The following COL18A1 variants were observed in gnomAD, a reference collection of about 807,000 sequenced individuals.
COL18A1 encodes the protein collagen alpha-1(XVIII) chain.
Under a neutral mutation model 168.0 loss-of-function variants are expected in COL18A1, and 133 were observed. The observed-to-expected ratio is 0.79, with a 90% CI of 0.69 to 0.91. The LOEUF is 0.91. COL18A1 is among the 40% of genes least tolerant of loss of function. The pLI is 0.00. For missense variants in COL18A1, 2,126 were observed against 1,925.4 expected (o/e 1.10, Z -1.95); for synonymous variants, 949 against 809.0 (o/e 1.17, Z -2.94).
chr21:45,504,015 G>A lies in COL18A1; in HGVS notation c.2688G>A (p.Gln896=). ...CCGCCTGTCTCTCTCTTGCAGGGCA[G>A]TTTCCGTTTGACTTTCTTCAGTTGG... ...GEVGPPGPPG[Q]FPFDFLQLEA... is the part of the protein sequence containing the mutation. Residue 896 remains glutamine, a synonymous_variant, in exon 33 of 42, where the codon CAG becomes CAA. Coordinates refer to ENST00000651438, the MANE Select transcript of COL18A1 (RefSeq NM_001379500.1). 6.2e-7 allele frequency: 1 copy of A among 1,613,662 alleles called. No individual in the cohort carries two copies. The highest frequency in any genetic ancestry group is 1.1e-5 in the South Asian group (1 of 91,082).
At chr21:45,408,739 G>T (rs113033725) in intron 2 of COL18A1, among the ~76,000 whole-genome samples, 1 of 152,174 alleles carries the variant, frequency 6.6e-6, no homozygotes, top group African/African-American at 2.4e-5. Context: ...CGCTCACTGT[G>T]TTGGGGGAGG....
chr21:45,498,699 C>T lies in COL18A1; in HGVS notation c.2683+1038C>T, dbSNP rs138597857. Reference sequence around the variant, plus strand: ...TTGGATCTCTCAGCGTCACACACGACGCCCAGGAAGGAGTGAATGATGCAC... The same window carrying T: ...TTGGATCTCTCAGCGTCACACACGATGCCCAGGAAGGAGTGAATGATGCAC... On this transcript the variant is annotated intron_variant, in intron 32 of 41. Transcript: ENST00000651438. The surrounding 1 kb of genome is among the most constrained non-coding windows in gnomAD (Gnocchi z 4.5). The T allele has an allele frequency of 1.9e-3, 1,219 of 645,650 alleles. 10 individuals carry two copies. Among genetic ancestry groups the T allele is most frequent in the Middle Eastern group, 7.7e-3 (29 of 3,776 alleles). 40.0% of individuals were successfully genotyped at this position (645,650 alleles called of 1,614,324 possible).
rs1291984176 is a variant in COL18A1 at position 45,457,361 on chromosome 21, C to T, written c.107-10881C>T. Among the ~76,000 whole-genome samples, 2 of 152,204 alleles carry T rather than the reference C, an allele frequency of 1.3e-5. No homozygotes were observed. The highest frequency in any genetic ancestry group is 1.3e-4 in the Admixed American group (2 of 15,286). ...CGGGCCAAGGGTGCTGCCGCGTGGG[C>T]AGTGCAGAGACCCTACCAGCGTGGG... On this transcript the variant is annotated intron_variant, in intron 2 of 41. Transcript: ENST00000651438. This position sits in a 1 kb window ranked among gnomAD's most constrained non-coding sequence, Gnocchi z 4.6.
chr21:45,471,561 G>C lies in COL18A1; in HGVS notation c.652-2334G>C, dbSNP rs182482675. Among the ~76,000 whole-genome samples the C allele has an allele frequency of 1.3e-3, 201 of 152,308 alleles. No individual in the cohort carries two copies. Among genetic ancestry groups the C allele is most frequent in the Non-Finnish European group, 2.2e-3 (152 of 68,020 alleles). ...CCCCCGGCCGCAGCTGGGTCCAACAGAGCCCTCCGGAGCATTGGTTGTGTT... is the reference window on the plus strand; with the variant it reads ...CCCCCGGCCGCAGCTGGGTCCAACACAGCCCTCCGGAGCATTGGTTGTGTT... On this transcript the variant is annotated intron_variant, in intron 3 of 41. Transcript: ENST00000651438. The surrounding 1 kb of genome is among the most constrained non-coding windows in gnomAD (Gnocchi z 4.4).
rs984672419 is a variant in COL18A1, at chr21:45,471,166, G to A, written c.651+2380G>A. Reference sequence around the variant, plus strand: ...GGGCGTGGGTGGCGTGCAGCAGGCCGTGTGCTGCTGGGCGTGGGTGGCGCG... The same window carrying A: ...GGGCGTGGGTGGCGTGCAGCAGGCCATGTGCTGCTGGGCGTGGGTGGCGCG... On this transcript the variant is annotated intron_variant, in intron 3 of 41. Coordinates refer to ENST00000651438, the MANE Select transcript of COL18A1 (RefSeq NM_001379500.1). The surrounding 1 kb of genome is among the most constrained non-coding windows in gnomAD (Gnocchi z 4.4). Among the ~76,000 whole-genome samples the A allele has an allele frequency of 1.3e-5, 2 of 150,526 alleles. No individual in the cohort carries two copies. The highest frequency in any genetic ancestry group is 6.6e-5 in the Admixed American group (1 of 15,090).
chr21:45,493,407 G>T (rs1452444950), intron 25 of COL18A1, 94 bp from the exon 26 acceptor site: 21 of 1,333,190 alleles, frequency 1.6e-5, no homozygotes, highest in Non-Finnish European at 2.1e-5. Context: ...CAGCCTGCGA[G>T]GCCCAGTCAC....
At chr21:45,482,202 T>C (rs1353024074) in intron 14 of COL18A1, 177 bp downstream of exon 14, 1 of 626,574 alleles carries the variant, frequency 1.6e-6, no homozygotes, top group African/African-American at 1.8e-5. Context: ...GGCTGGGGCT[T>C]GGGTAGAAAT....
intron 8 of COL18A1, 51 bp downstream of exon 8, chr21:45,478,016 T>C: frequency 9.8e-7 from 1 of 1,022,724 alleles, no homozygotes; most frequent in East Asian, 2.6e-5. Flanking sequence ...GGTGGGGGCT[T>C]GGGTAGGAGG....
intron 9 of COL18A1, 86 bp from the exon 10 acceptor site, chr21:45,479,816 C>T (rs2035829670): frequency 6.3e-7 from 1 of 1,582,936 alleles, no homozygotes; most frequent in African/African-American, 1.4e-5. Context: ...CCGTCCGTCC[C>T]CTGCTTGGGG....
chr21:45,450,392 G>A (rs903564049), intron 2 of COL18A1, among the ~76,000 whole-genome samples: 7 of 152,156 alleles, frequency 4.6e-5, no homozygotes, highest in Non-Finnish European at 4.4e-5. Flanking sequence ...CACCCGCCAC[G>A]GGCTGAGGCC....
intron 29 of COL18A1, 151 bp downstream of exon 29, chr21:45,495,583 T>C (rs910767834): frequency 4.5e-6 from 3 of 664,216 alleles, no homozygotes; most frequent in Non-Finnish European, 8.1e-6. Context: ...GCCATACCCA[T>C]GCACAGTCAT....
rs2036637318 is a variant in COL18A1 at position 45,498,791 on chromosome 21, A to C, written c.2683+1130A>C. On this transcript the variant is annotated intron_variant, in intron 32 of 41. Coordinates refer to ENST00000651438, the MANE Select transcript of COL18A1 (RefSeq NM_001379500.1). This position sits in a 1 kb window ranked among gnomAD's most constrained non-coding sequence, Gnocchi z 4.5. ...ACCAGGAGGCCCAGCTCATGGGGTC[A>C]TCGGACCCACCTTGAACTCTGAAGG... is the stretch of plus-strand genomic sequence containing the variant. 6.6e-6 allele frequency among the ~76,000 whole-genome samples: 1 copy of C among 152,232 alleles called. No individual in the cohort carries two copies. The highest frequency in any genetic ancestry group is 2.4e-5 in the African/African-American group (1 of 41,454).
chr21:45,503,367 T>G (rs1352702133), intron 32 of COL18A1, among the ~76,000 whole-genome samples: 2 of 152,094 alleles, frequency 1.3e-5, no homozygotes, highest in Non-Finnish European at 2.9e-5. Context: ...CATAAATGTC[T>G]TCTTTTGAGA....
At chr21:45,418,843 T>A (rs1213411942) in intron 2 of COL18A1, among the ~76,000 whole-genome samples, 3 of 152,098 alleles carry the variant, frequency 2.0e-5, no homozygotes, top group African/African-American at 7.2e-5. Flanking sequence ...CTGCGAGGCG[T>A]GATGGCCAAT....
intron 2 of COL18A1, among the ~76,000 whole-genome samples, chr21:45,458,102 CAGGGAGGG>C (rs893942428): frequency 3.6e-5 from 1 of 27,728 alleles, no homozygotes; most frequent in African/African-American, 1.4e-4. Flanking sequence ...AATGGAGGGG[CAGGGAGGG>C]AGGGAGGGAG....
rs775608196 is a variant in COL18A1, at chr21:45,480,071, G to T, written c.1313G>T (p.Gly438Val). The T allele has an allele frequency of 6.2e-7, 1 of 1,611,534 alleles. No homozygotes were observed. The highest frequency in any genetic ancestry group is 1.1e-5 in the South Asian group (1 of 91,026). Residue 438 changes from glycine (G) to valine (V), a missense_variant and splice_region_variant, in exon 11 of 42, where the codon GGA (glycine) becomes GTA (valine). Transcript: ENST00000651438. Reference protein sequence around the residue: ...PGDVGPKGDKGDPGVGERGPP... With the variant: ...PGDVGPKGDKVDPGVGERGPP... ...GATAGGCTTGTCTTGTGTTCCCAGG[G>T]AGACCCTGGGGTTGGAGAGAGAGGG...
intron 5 of COL18A1, 146 bp from the exon 6 acceptor site, chr21:45,476,205 G>A: frequency 4.1e-6 from 5 of 1,222,262 alleles, no homozygotes; most frequent in East Asian, 5.2e-5. Context: ...GAAGCCCCTC[G>A]CGCACGGCCC....
At position 45,405,443 on chromosome 21, in the gene COL18A1, C is replaced by G. The variant is rs1170169443; in HGVS notation, c.76C>G (p.Leu26Val). 1.4e-6 allele frequency: 2 copies of G among 1,380,682 alleles called. No individual in the cohort carries two copies. The highest frequency in any genetic ancestry group is 1.9e-6 in the Non-Finnish European group (2 of 1,059,478). The allele number at this position is 1,380,682 out of a possible 1,614,324, so 85.5% of individuals were successfully genotyped here. Reference sequence around the variant, plus strand: ...CGTGCTCGCGCCCCTGGTCCTGCTGCTCGGGGTCCGCGCGGCCTCCGCGGA... The same window carrying G: ...CGTGCTCGCGCCCCTGGTCCTGCTGGTCGGGGTCCGCGCGGCCTCCGCGGA... ...LDVLAPLVLL[L>V]GVRAASAEPE... The change falls in exon 2 of 42, where the codon CTC (leucine) becomes GTC (valine). Residue 26 changes from leucine (L) to valine (V), a missense_variant. Transcript: ENST00000651438.
At position 45,437,713 on chromosome 21, in the gene COL18A1, C is replaced by T. The variant is rs1180531438; in HGVS notation, c.107-30529C>T. ...GCACACACACACACACACTCAGACA[C>T]ACAGGCACTCTCCTGCACACACACA... On this transcript the variant is annotated intron_variant, in intron 2 of 41. Transcript: ENST00000651438. Among the ~76,000 whole-genome samples the T allele has an allele frequency of 2.4e-5, 2 of 83,774 alleles. 1 individual carries two copies. The highest frequency in any genetic ancestry group is 4.5e-5 in the Non-Finnish European group (2 of 44,840). 55.0% of individuals were successfully genotyped at this position (83,774 alleles called of 152,430 possible). A position where few individuals can be genotyped will look rare whatever the true frequency, so the allele number is the denominator to read the frequency against.
Sources: allele counts gnomAD v4.1 joint callset (sites outside exome capture counted in the v4.1 genomes callset), GRCh38; gene constraint gnomAD v4.1.1; non-coding constraint Gnocchi (gnomAD v3.1); transcripts MANE v1.5; gene names NCBI Gene and HGNC (gene_info 2026-07-23, HGNC 2026-07-21).